SLC12A1: variants seen among roughly 807,000 people sequenced by gnomAD.
SLC12A1 encodes solute carrier family 12 member 1.
In SLC12A1, 89 loss-of-function variants were observed where a neutral mutation model predicts 130.4. The observed-to-expected ratio is 0.68, with a 90% confidence interval of 0.58 to 0.81. The LOEUF is 0.81. SLC12A1 is among the 40% of genes least tolerant of loss of function. The pLI is 0.00. For synonymous variants in SLC12A1, 499 were observed against 460.0 expected (o/e 1.08, Z -1.09); for missense variants, 1,310 against 1,336.4 (o/e 0.98, Z 0.31).
Position 48,211,445 on chromosome 15 carries a change from A to C in SLC12A1, c.420+3306A>C, listed in dbSNP as rs537216963. 5.9e-5 allele frequency among the ~76,000 whole-genome samples: 9 copies of C among 152,278 alleles called. No individual in the cohort carries two copies. The South Asian group carries it at 1.9e-3, about 32-fold the overall frequency. On this transcript the variant is annotated intron_variant, in intron 2 of 26. Coordinates refer to ENST00000380993, the MANE Select transcript of SLC12A1 (RefSeq NM_000338.3). Reference sequence around the variant, plus strand: ...CTGCCACCTCCTTGTGGCCCTTGACATTTTTATGGTAGTTCCTCAAATCAC... The same window carrying C: ...CTGCCACCTCCTTGTGGCCCTTGACCTTTTTATGGTAGTTCCTCAAATCAC...
chr15:48,212,421 C>T (rs2041063553), intron 2 of SLC12A1, among the ~76,000 whole-genome samples: 1 of 152,168 alleles, frequency 6.6e-6, no homozygotes, highest in South Asian at 2.1e-4. Context: ...GTATTTTCCA[C>T]ATTGTTCTGC....
chr15:48,248,918 C>A (rs1355293091), intron 13 of SLC12A1, among the ~76,000 whole-genome samples: 1 of 152,122 alleles, frequency 6.6e-6, no homozygotes, highest in East Asian at 1.9e-4. Context: ...GTGGTGGGTG[C>A]CTATAGTCCC....
intron 19 of SLC12A1, among the ~76,000 whole-genome samples, chr15:48,273,113 A>C (rs567562427): frequency 1.1e-3 from 173 of 151,516 alleles, no homozygotes; most frequent in Admixed American, 4.5e-3. Flanking sequence ...AAAAAAAAAA[A>C]AAAAAAACCT....
At chr15:48,283,882 G>GAAGCAAGAAGCAA (rs3837723) in intron 20 of SLC12A1, among the ~76,000 whole-genome samples, 1 of 151,994 alleles carries the variant, frequency 6.6e-6, no homozygotes, top group African/African-American at 2.4e-5. Flanking sequence ...CAAGAAGCAA[G>GAAGCAAGAAGCAA]AAGCCTCCTA....
At chr15:48,259,435 C>T in intron 17 of SLC12A1, 124 bp downstream of exon 17, 1 of 721,114 alleles carries the variant, frequency 1.4e-6, no homozygotes, top group East Asian at 2.6e-5. Flanking sequence ...ATAGGAGAGC[C>T]CTCTACCTTG....
intron 21 of SLC12A1, among the ~76,000 whole-genome samples, chr15:48,287,760 T>G (rs1490939720): frequency 6.6e-6 from 1 of 152,210 alleles, no homozygotes; most frequent in African/African-American, 2.4e-5. Context: ...TGAGACAGAT[T>G]ACTAAAGGTC....
At position 48,234,986 on chromosome 15, in the gene SLC12A1, T is replaced by C; in HGVS notation, c.1197T>C (p.Asn399=). Residue 399 remains asparagine (N), a synonymous_variant, in exon 9 of 27, where the codon AAT becomes AAC. Coordinates refer to ENST00000380993, the MANE Select transcript of SLC12A1 (RefSeq NM_000338.3). ...PAATGILAGA[N]ISGDLEDPQD... is the part of the protein sequence containing the mutation. The stretch of plus-strand genomic sequence containing the variant: ...CTACTGGGATTCTTGCTGGTGCCAA[T>C]ATCTCAGGAGATTTGGAGGTACGTT... 6.2e-7 allele frequency: 1 copy of C among 1,613,872 alleles called. No homozygotes were observed. The highest frequency in any genetic ancestry group is 1.1e-5 in the South Asian group (1 of 91,082).
At chr15:48,217,984 A>G (rs2041146280) in intron 2 of SLC12A1, 1 of 150,934 alleles carries the variant, frequency 6.6e-6, no homozygotes, top group African/African-American at 2.4e-5. Flanking sequence ...TTTTTTTTCT[A>G]TTTTCTGTAG....
chr15:48,302,350 G>T (rs532503872), intron 26 of SLC12A1, among the ~76,000 whole-genome samples: 2 of 152,118 alleles, frequency 1.3e-5, no homozygotes, highest in Admixed American at 6.5e-5. Context: ...GCCGGGCGCG[G>T]TGGCTCACGC....
intron 23 of SLC12A1, among the ~76,000 whole-genome samples, chr15:48,290,646 T>C (rs1245376785): frequency 6.6e-6 from 1 of 152,172 alleles, no homozygotes; most frequent in Non-Finnish European, 1.5e-5. Flanking sequence ...GGGACCACCA[T>C]CGTATATGCA....
intron 18 of SLC12A1, 131 bp downstream of exon 18, chr15:48,267,832 T>TCAAAATAATCCCTTA: frequency 1.1e-6 from 1 of 940,382 alleles, no homozygotes. Context: ...GTTAAGGGAT[T>TCAAAATAATCCCTTA]ATTTTGAATT....
intron 16 of SLC12A1, among the ~76,000 whole-genome samples, chr15:48,257,231 G>A (rs2041717857): frequency 6.6e-6 from 1 of 152,108 alleles, no homozygotes; most frequent in South Asian, 2.1e-4. Flanking sequence ...TGGCTTTGCA[G>A]GGTACAGCCT....
intron 18 of SLC12A1, 113 bp from the exon 19 acceptor site, chr15:48,269,545 C>A (rs558605240): frequency 1.3e-5 from 7 of 550,912 alleles, no homozygotes; most frequent in South Asian, 2.7e-5. Context: ...GTAATCTAAT[C>A]TTCAGGATCT....
intron 17 of SLC12A1, among the ~76,000 whole-genome samples, chr15:48,262,960 T>C (rs2041792116): frequency 6.6e-6 from 1 of 152,218 alleles, no homozygotes; most frequent in African/African-American, 2.4e-5. Context: ...ATGAGTTTCC[T>C]CACTTATGTC....
intron 5 of SLC12A1, 186 bp downstream of exon 5, chr15:48,226,757 T>C (rs1275276500): frequency 3.0e-5 from 19 of 625,624 alleles, no homozygotes; most frequent in Admixed American, 1.6e-4. Flanking sequence ...TCTGGTCTCT[T>C]TTCTAATGGA....
intron 24 of SLC12A1, among the ~76,000 whole-genome samples, chr15:48,294,418 C>T (rs1470895224): frequency 6.6e-6 from 1 of 151,090 alleles, no homozygotes; most frequent in African/African-American, 2.4e-5. Context: ...CTATAATCGA[C>T]AGTGTTAAAC....
Position 48,229,219 on chromosome 15 carries a change from T to A in SLC12A1, c.755T>A (p.Leu252Ter). The A allele has an allele frequency of 6.3e-7, 1 of 1,591,174 alleles. No homozygotes were observed. Among genetic ancestry groups the A allele is most frequent in the Non-Finnish European group, 8.6e-7 (1 of 1,167,888 alleles). The change falls in exon 6 of 27, where the codon TTA (leucine) becomes TAA (stop). Residue 252 changes from leucine to a stop codon, truncating the protein, a stop_gained. Coordinates refer to ENST00000380993, the MANE Select transcript of SLC12A1 (RefSeq NM_000338.3). LOFTEE classifies it high-confidence loss of function. ...GCCTACTATCTTATTTCCAGAAGTT[T>A]AGGGCCCGAGTTCGGTGGGTCAATA... ...GGAYYLISRS[L>*]GPEFGGSIGL...
chr15:48,302,952 TTA>T lies in SLC12A1; in HGVS notation c.*69_*70del, dbSNP rs573800542. ...TAATTAAGAAACATGTTCCAGTACT[TTA>T]TGTTGTAAATCTGATCTATGGATAT... On this transcript the variant is annotated 3_prime_UTR_variant, in exon 27 of 27. Transcript: ENST00000380993. The T allele has an allele frequency of 2.8e-4, 349 of 1,257,336 alleles. No homozygotes were observed. The East Asian group carries it at 8.2e-3, about 29-fold the overall frequency. 77.9% of individuals were successfully genotyped at this position (1,257,336 alleles called of 1,614,324 possible).
At chr15:48,271,929 A>T (rs955813384) in intron 19 of SLC12A1, among the ~76,000 whole-genome samples, 2 of 152,198 alleles carry the variant, frequency 1.3e-5, no homozygotes, top group Admixed American at 1.3e-4. Flanking sequence ...AACAAAAGGG[A>T]TGGAGGAGGG....
Sources: gnomAD v4.1 joint callset for allele counts (sites outside exome capture counted in the v4.1 genomes callset) on GRCh38, gnomAD v4.1.1 for gene constraint, MANE v1.5 for transcripts, NCBI Gene and HGNC (gene_info 2026-07-23, HGNC 2026-07-21) for gene names.